The following TCF4 variants were observed in gnomAD, a reference collection of about 807,000 sequenced individuals.
TCF4 encodes transcription factor 4.
TCF4 carries 3 observed loss-of-function variants against 82.1 expected under a neutral mutation model. The observed-to-expected ratio is 0.04, with a 90% CI of 0.02 to 0.09. The LOEUF (loss-of-function observed/expected upper bound fraction) is 0.09, where lower values mean the gene tolerates loss of function less well. TCF4 is among the 10% of genes least tolerant of loss of function. The pLI, the probability that TCF4 is intolerant of heterozygous loss-of-function variation, is 1.00. For missense variants in TCF4, 518 were observed against 852.7 expected, an observed-to-expected ratio of 0.61 and a Z score of 4.89; for synonymous variants, 276 against 309.6, an observed-to-expected ratio of 0.89 and a Z score of 1.14.
At chr18:55,512,497 TA>T (rs1568281070) in intron 3 of TCF4, among the ~76,000 whole-genome samples, 1 of 152,112 alleles carries the variant, frequency 6.6e-6, no homozygotes, top group Non-Finnish European at 1.5e-5. Flanking sequence ...TACATTTTAA[TA>T]AAAAATAAAA....
chr18:55,546,943 A>T (rs1251209283), intron 3 of TCF4: 1 of 152,240 alleles, frequency 6.6e-6, no homozygotes, highest in African/African-American at 2.4e-5. Flanking sequence ...AGAAAAATGG[A>T]GAAAAAGAAA....
At chr18:55,274,067 T>A (rs1326735475) in intron 10 of TCF4, among the ~76,000 whole-genome samples, 1 of 152,172 alleles carries the variant, frequency 6.6e-6, no homozygotes, top group East Asian at 1.9e-4. Flanking sequence ...CTAAAACTTT[T>A]ATTTGTAATC....
intron 3 of TCF4, among the ~76,000 whole-genome samples, chr18:55,537,026 G>A (rs902870980): frequency 6.6e-6 from 1 of 151,768 alleles, no homozygotes; most frequent in Non-Finnish European, 1.5e-5. Flanking sequence ...CCCAGCTACT[G>A]GAGAGGCTGA....
intron 6 of TCF4, chr18:55,401,804 G>A (rs777330120): frequency 2.0e-6 from 2 of 984,956 alleles, no homozygotes; most frequent in African/African-American, 1.7e-5. Flanking sequence ...ATACAGGGGT[G>A]AGGAAGCCTA....
chr18:55,500,652 C>T (rs750711886), intron 3 of TCF4, among the ~76,000 whole-genome samples: 20 of 152,168 alleles, frequency 1.3e-4, no homozygotes, highest in Non-Finnish European at 2.9e-4. Context: ...CAGCCTCTCA[C>T]CCTCAAGAGA....
chr18:55,351,710 T>A (rs2144815541), intron 6 of TCF4: 1 of 392,846 alleles, frequency 2.5e-6, no homozygotes, highest in Non-Finnish European at 3.5e-6. Flanking sequence ...CCTATCACAG[T>A]GTGACAATTA....
At chr18:55,494,660 A>G (rs1170791987) in intron 3 of TCF4, among the ~76,000 whole-genome samples, 1 of 152,098 alleles carries the variant, frequency 6.6e-6, no homozygotes, top group East Asian at 1.9e-4. Context: ...GAATAAGAGA[A>G]CTACATTTAT....
intron 12 of TCF4, chr18:55,261,187 T>C (rs1001439594): frequency 3.0e-5 from 12 of 394,402 alleles, no homozygotes; most frequent in African/African-American, 2.5e-4. Flanking sequence ...AAATAAGACA[T>C]CAGTATAAAA....
rs147777536 is a variant in TCF4 at position 55,435,193 on chromosome 18, C to T, written c.304+25826G>A. On this transcript the variant is annotated intron_variant, in intron 5 of 19. Transcript: ENST00000354452. Reference sequence around the variant, plus strand: ...GTTTGCTTGCTTGCTTAGCCCAATGCCTGATGCAATGTGAGTGAGCAATAA... The same window carrying T: ...GTTTGCTTGCTTGCTTAGCCCAATGTCTGATGCAATGTGAGTGAGCAATAA... 4.4e-3 allele frequency among the ~76,000 whole-genome samples: 665 copies of T among 152,280 alleles called. 9 individuals carry two copies. The highest frequency in any genetic ancestry group is 0.015 in the African/African-American group (637 of 41,548).
At chr18:55,328,718 T>A (rs953291502) in intron 8 of TCF4, among the ~76,000 whole-genome samples, 1 of 152,162 alleles carries the variant, frequency 6.6e-6, no homozygotes, top group African/African-American at 2.4e-5. Context: ...GTTGAGAAAC[T>A]TTTAACAAAA....
At chr18:55,559,702 G>A (rs1431203008) in intron 3 of TCF4, among the ~76,000 whole-genome samples, 1 of 151,298 alleles carries the variant, frequency 6.6e-6, no homozygotes, top group East Asian at 1.9e-4. Context: ...CTTGATTTGG[G>A]CTCCAAAGTT....
upstream of TCF4, chr18:55,589,395 TC>T: frequency 9.5e-7 from 1 of 1,055,610 alleles, no homozygotes; most frequent in Non-Finnish European, 1.1e-6. Flanking sequence ...CACATGTGTA[TC>T]CCCAAAAAGT....
intron 5 of TCF4, among the ~76,000 whole-genome samples, chr18:55,443,120 G>A (rs549290808): frequency 1.1e-4 from 16 of 152,252 alleles, no homozygotes; most frequent in African/African-American, 3.6e-4. Context: ...ACCTTGGTTC[G>A]GGTCAACCTG....
intron 1 of TCF4, 139 bp downstream of exon 1, chr18:55,587,899 G>T: frequency 1.4e-6 from 1 of 699,044 alleles, no homozygotes; most frequent in Non-Finnish European, 1.8e-6. Flanking sequence ...GGGAGGGGAA[G>T]GGGTGTCTCT....
At position 55,300,311 on chromosome 18, in the gene TCF4, C is replaced by G. The variant is rs147008137; in HGVS notation, c.550-20655G>C. ...TGGACTGACCTGCTCTGGGACTGAA[C>G]AGAAGAGTGGACAATTTTTTGTTTG... On this transcript the variant is annotated intron_variant, in intron 8 of 19. Transcript: ENST00000354452. Among the ~76,000 whole-genome samples the G allele has an allele frequency of 1.1e-4, 17 of 151,880 alleles. No homozygotes were observed. In the East Asian group the frequency reaches 3.1e-3, roughly 28 times the overall value.
At chr18:55,559,150 C>CA (rs748464132) in intron 3 of TCF4, among the ~76,000 whole-genome samples, 1,607 of 55,982 alleles carry the variant, frequency 0.029, 13 homozygotes, top group African/African-American at 0.054. Context: ...TTCCCCAAAG[C>CA]AAAAAAAAAA....
At chr18:55,528,477 A>G (rs1052674373) in intron 3 of TCF4, among the ~76,000 whole-genome samples, 1 of 152,200 alleles carries the variant, frequency 6.6e-6, no homozygotes, top group Non-Finnish European at 1.5e-5. Flanking sequence ...GTTCATTCAT[A>G]ACCAATAACA....
At chr18:55,409,857 G>A (rs146026683) in intron 5 of TCF4, among the ~76,000 whole-genome samples, 10 of 152,098 alleles carry the variant, frequency 6.6e-5, no homozygotes, top group African/African-American at 2.2e-4. Flanking sequence ...CCAGTTTGGA[G>A]GTGAGACTCT....
chr18:55,585,976 C>T, intron 2 of TCF4: 1 of 1,323,334 alleles, frequency 7.6e-7, no homozygotes. Flanking sequence ...TGCACACCTT[C>T]CCTGAGTCAG....
Sources: gnomAD v4.1 joint callset for allele counts (sites outside exome capture counted in the v4.1 genomes callset) on GRCh38, gnomAD v4.1.1 for gene constraint, MANE v1.5 for transcripts, NCBI Gene and HGNC (gene_info 2026-07-23, HGNC 2026-07-21) for gene names.